Variants in FHIT observed in about 807,000 individuals in gnomAD.
FHIT encodes the protein bis(5'-adenosyl)-triphosphatase.
Under a neutral mutation model 17.9 loss-of-function variants are expected in FHIT, and 19 were observed. The observed-to-expected ratio is 1.06, with a 90% CI of 0.74 to 1.56. FHIT has a LOEUF of 1.56. Among genes scored for constraint, FHIT ranks in the 40% most tolerant of loss-of-function variants. The probability of loss-of-function intolerance (pLI) is 0.00; values close to 1 mark genes in which losing one functional copy is unlikely to be tolerated. For missense variants in FHIT, 248 were observed against 189.2 expected (o/e 1.31, Z -1.82); for synonymous variants, 81 against 69.7 (o/e 1.16, Z -0.81).
At chr3:59,970,923 A>AC in intron 7 of FHIT, among the ~76,000 whole-genome samples, 1 of 151,274 alleles carries the variant, frequency 6.6e-6, no homozygotes, top group East Asian at 2.0e-4. Flanking sequence ...AGGGATTAAA[A>AC]AAAAAAAATT....
Position 60,388,103 on chromosome 3 carries a change from A to G in FHIT, c.103+148757T>C, listed in dbSNP as rs143811666. ...CTATGCTTCTTGTACAGCTTGCAGA[A>G]CAATGAGCCGAATAAACCCCTTTCT... On this transcript the variant is annotated intron_variant, in intron 5 of 9. Transcript: ENST00000492590. Among the ~76,000 whole-genome samples the G allele has an allele frequency of 4.1e-3, 623 of 152,324 alleles. 1 individual carries two copies. The highest frequency in any genetic ancestry group is 0.014 in the African/African-American group (576 of 41,572).
intron 1 of FHIT, among the ~76,000 whole-genome samples, chr3:61,209,346 A>G (rs11130824): frequency 0.2 from 30,555 of 151,984 alleles, 3,133 homozygotes; most frequent in South Asian, 0.29. Flanking sequence ...TGTATTTCCT[A>G]AATCTGAATG....
At chr3:60,232,980 T>C (rs1472164638) in intron 5 of FHIT, among the ~76,000 whole-genome samples, 2 of 152,242 alleles carry the variant, frequency 1.3e-5, no homozygotes, top group East Asian at 3.9e-4. Context: ...TAGAGATCTA[T>C]GGTGACAAAT....
chr3:60,138,755 T>C (rs1699917779), intron 5 of FHIT, among the ~76,000 whole-genome samples: 1 of 152,098 alleles, frequency 6.6e-6, no homozygotes, highest in South Asian at 2.1e-4. Flanking sequence ...CTGTGGGCTC[T>C]AGAAAGACAT....
chr3:60,834,386 T>A (rs1235014279), intron 3 of FHIT, among the ~76,000 whole-genome samples: 2 of 152,238 alleles, frequency 1.3e-5, no homozygotes, highest in Admixed American at 6.5e-5. Context: ...ATGTGCTTAT[T>A]TGCCATCTGT....
chr3:60,395,073 T>A (rs1701380701), intron 5 of FHIT, among the ~76,000 whole-genome samples: 1 of 152,138 alleles, frequency 6.6e-6, no homozygotes, highest in African/African-American at 2.4e-5. Flanking sequence ...ACATTTAAGA[T>A]GAAAGCAGAG....
chr3:59,908,038 A>C (rs1704668635), intron 8 of FHIT, among the ~76,000 whole-genome samples: 1 of 152,112 alleles, frequency 6.6e-6, no homozygotes, highest in African/African-American at 2.4e-5. Context: ...TCATCTCCTT[A>C]TCTTAAAGTT....
intron 5 of FHIT, among the ~76,000 whole-genome samples, chr3:60,160,832 G>C (rs1468632970): frequency 6.7e-6 from 1 of 149,164 alleles, no homozygotes; most frequent in Non-Finnish European, 1.5e-5. Context: ...GTGTGACAGA[G>C]AGAGAGAGAG....
At chr3:60,438,337 C>T (rs1273972761) in intron 5 of FHIT, among the ~76,000 whole-genome samples, 1 of 151,502 alleles carries the variant, frequency 6.6e-6, no homozygotes, top group African/African-American at 2.4e-5. Flanking sequence ...TGCACATGTG[C>T]GTCCAGACGA....
At chr3:60,909,454 T>A (rs1435661984) in intron 3 of FHIT, among the ~76,000 whole-genome samples, 1 of 151,762 alleles carries the variant, frequency 6.6e-6, no homozygotes, top group Admixed American at 6.6e-5. Context: ...AACGGAAACA[T>A]GTTTACATTT....
At chr3:60,444,877 A>G (rs2031209557) in intron 5 of FHIT, among the ~76,000 whole-genome samples, 2 of 152,082 alleles carry the variant, frequency 1.3e-5, no homozygotes, top group Non-Finnish European at 2.9e-5. Flanking sequence ...GAAAGAAAAG[A>G]AAAACTCTGA....
At chr3:60,210,002 A>T (rs1703375305) in intron 5 of FHIT, among the ~76,000 whole-genome samples, 1 of 152,180 alleles carries the variant, frequency 6.6e-6, no homozygotes, top group Non-Finnish European at 1.5e-5. Flanking sequence ...ACCATGGCAC[A>T]CGTATACCTA....
At chr3:60,107,636 C>A (rs996174) in intron 5 of FHIT, among the ~76,000 whole-genome samples, 2 of 151,974 alleles carry the variant, frequency 1.3e-5, no homozygotes, top group African/African-American at 4.8e-5. Flanking sequence ...TTGTTGGCTA[C>A]TTCCAACTGG....
chr3:60,635,468 C>CA (rs1553683568), intron 4 of FHIT, among the ~76,000 whole-genome samples: 1 of 152,200 alleles, frequency 6.6e-6, no homozygotes, highest in Non-Finnish European at 1.5e-5. Context: ...ATAAACCCCC[C>CA]AACCACACTA....
intron 3 of FHIT, among the ~76,000 whole-genome samples, chr3:60,989,935 A>C (rs2030035024): frequency 6.6e-6 from 1 of 152,196 alleles, no homozygotes; most frequent in South Asian, 2.1e-4. Flanking sequence ...CAAGGGACGC[A>C]ATTTGATGTG....
chr3:61,025,720 C>T (rs907461971), intron 3 of FHIT, among the ~76,000 whole-genome samples: 1 of 151,980 alleles, frequency 6.6e-6, no homozygotes, highest in African/African-American at 2.4e-5. Flanking sequence ...GCTCAAATTA[C>T]TCAGGTACTG....
intron 8 of FHIT, among the ~76,000 whole-genome samples, chr3:59,917,856 A>T (rs920734332): frequency 6.6e-6 from 1 of 152,240 alleles, no homozygotes; most frequent in Admixed American, 6.5e-5. Context: ...CAAATCCTAC[A>T]TCTGTATTTG....
In FHIT at chr3:60,995,298, G is replaced by C. The variant is rs138267183; in HGVS notation, c.-111+46749C>G. Among the ~76,000 whole-genome samples the C allele has an allele frequency of 7.0e-3, 1,059 of 152,008 alleles. 35 individuals are homozygous for C. The East Asian group carries it at 0.11, about 16-fold the overall frequency. The stretch of plus-strand genomic sequence containing the variant: ...TCGTGCCACTGCACTCCAGCCTGGG[G>C]GACAGAGCGAGACTCTGTCTCAAAA... On this transcript the variant is annotated intron_variant, in intron 3 of 9. Transcript: ENST00000492590.
intron 3 of FHIT, among the ~76,000 whole-genome samples, chr3:60,926,478 G>A (rs1473265203): frequency 6.6e-6 from 1 of 152,168 alleles, no homozygotes; most frequent in Non-Finnish European, 1.5e-5. Flanking sequence ...GCGAAATGAA[G>A]ACAGAAATAA....
Sources: allele counts gnomAD v4.1 joint callset (sites outside exome capture counted in the v4.1 genomes callset), GRCh38; gene constraint gnomAD v4.1.1; transcripts MANE v1.5; gene names NCBI Gene and HGNC (gene_info 2026-07-23, HGNC 2026-07-21).